The following TEX11 variants were observed in gnomAD, a reference collection of about 807,000 sequenced individuals.
TEX11 encodes the protein testis expressed 11.
TEX11 carries 7 observed loss-of-function variants against 84.4 expected under a neutral mutation model. The ratio of observed to expected loss-of-function variants is 0.08; its 90% CI spans 0.05 to 0.16. The LOEUF (loss-of-function observed/expected upper bound fraction) is 0.16. Ranked by LOEUF, TEX11 falls within the 10% of genes least tolerant of loss-of-function variation. The probability of loss-of-function intolerance (pLI) is 1.00; values close to 1 mark genes in which losing one functional copy is unlikely to be tolerated. For missense variants in TEX11, 551 were observed against 660.5 expected (o/e 0.83, Z 1.82); for synonymous variants, 264 against 222.8 (o/e 1.18, Z -1.64).
At chrX:70,591,698 C>G (rs1428089112) in intron 25 of TEX11, 53 bp downstream of exon 25, 2 of 976,654 alleles carry the variant, frequency 2.0e-6, no homozygotes, top group Non-Finnish European at 2.9e-6. Context: ...CTTGTTTATT[C>G]GATTCTAAGC....
At chrX:70,900,392 A>AGAAGAAG (rs1306462034) in intron 2 of TEX11, among the ~76,000 whole-genome samples, 3 of 27,004 alleles carry the variant, frequency 1.1e-4, no homozygotes, top group East Asian at 1.2e-3. Flanking sequence ...AAAAAAAAAA[A>AGAAGAAG]AAAAAGAAGA....
chrX:70,614,798 G>A (rs1330107592), intron 20 of TEX11, among the ~76,000 whole-genome samples: 2 of 111,313 alleles, frequency 1.8e-5, no homozygotes, highest in Non-Finnish European at 3.8e-5. Context: ...CCCAATGCCA[G>A]ACAGTTCAGG....
chrX:70,900,395 A>AAAAAAG (rs1556245995), intron 2 of TEX11, among the ~76,000 whole-genome samples: 7 of 60,077 alleles, frequency 1.2e-4, no homozygotes, highest in East Asian at 5.6e-4. Flanking sequence ...AAAAAAAAAA[A>AAAAAAG]AAGAAGAAGA....
chrX:70,633,595 T>C (rs2089535753), intron 17 of TEX11, among the ~76,000 whole-genome samples: 2 of 112,298 alleles, frequency 1.8e-5, no homozygotes, highest in South Asian at 7.5e-4. Flanking sequence ...AAATTATCTT[T>C]ACCCACAGGC....
chrX:70,552,066 A>G, intron 28 of TEX11, 60 bp downstream of exon 28: 1 of 1,135,780 alleles, frequency 8.8e-7, no homozygotes, highest in Non-Finnish European at 1.2e-6. Context: ...AATTTATAGT[A>G]CACAAGACAG....
the TEX11 span, among the ~76,000 whole-genome samples, chrX:70,511,520 C>T: frequency 0.034 from 3,648 of 106,010 alleles, 122 homozygotes; most frequent in African/African-American, 0.053. Flanking sequence ...TTTGGGAGGC[C>T]AAGGCGGGTG....
At chrX:70,579,767 A>G (rs1462784578) in intron 25 of TEX11, among the ~76,000 whole-genome samples, 5 of 112,381 alleles carry the variant, frequency 4.4e-5, no homozygotes, top group Non-Finnish European at 5.6e-5. Flanking sequence ...ATTGATCATC[A>G]GAGAAATGCA....
intron 9 of TEX11, among the ~76,000 whole-genome samples, chrX:70,804,646 T>G (rs1015878565): frequency 8.9e-6 from 1 of 112,001 alleles, no homozygotes; most frequent in African/African-American, 3.2e-5. Context: ...TTTATTTAGA[T>G]TTTTATGAAA....
chrX:70,532,874 T>C (rs1466447856), intron 28 of TEX11, among the ~76,000 whole-genome samples: 1 of 109,714 alleles, frequency 9.1e-6, no homozygotes. Flanking sequence ...CTGTCTCTAC[T>C]AAAAATACAA....
chrX:70,836,892 C>T (rs1477823904), intron 7 of TEX11, among the ~76,000 whole-genome samples: 1 of 111,222 alleles, frequency 9.0e-6, no homozygotes, highest in African/African-American at 3.3e-5. Flanking sequence ...TGGCACGCAC[C>T]TGTAGTCTCA....
chrX:70,877,584 C>T (rs960436871), intron 3 of TEX11, among the ~76,000 whole-genome samples: 5 of 111,753 alleles, frequency 4.5e-5, no homozygotes, highest in African/African-American at 1.6e-4. Flanking sequence ...CATACCAATG[C>T]TCATAGCAAC....
At chrX:70,805,463 C>T (rs2091213586) in intron 9 of TEX11, among the ~76,000 whole-genome samples, 1 of 105,721 alleles carries the variant, frequency 9.5e-6, no homozygotes. Flanking sequence ...TGCAGCGGTG[C>T]GATATCGGCT....
At chrX:70,692,280 T>C (rs757473148) in intron 13 of TEX11, among the ~76,000 whole-genome samples, 2 of 111,627 alleles carry the variant, frequency 1.8e-5, no homozygotes, top group Non-Finnish European at 3.8e-5. Context: ...TTTTTTGGTG[T>C]AAGAATTCTT....
intron 2 of TEX11, among the ~76,000 whole-genome samples, chrX:70,882,752 G>C (rs1372249465): frequency 9.1e-6 from 1 of 109,532 alleles, no homozygotes; most frequent in African/African-American, 3.3e-5. Context: ...CGGCACTCCA[G>C]CTGGGTGACA....
At position 70,684,412 on chromosome X, in the gene TEX11, C is replaced by T. The variant is rs754562218; in HGVS notation, c.1005-1587G>A. 1.3e-4 allele frequency among the ~76,000 whole-genome samples: 15 copies of T among 111,497 alleles called. No individual in the cohort carries two copies. The East Asian group carries it at 4.2e-3, about 31-fold the overall frequency. Reference sequence around the variant, plus strand: ...ACCAGACTGGCCAACATGGTGAAACCCTGTCTCTGCTAAAAATGCAAAAAT... The same window carrying T: ...ACCAGACTGGCCAACATGGTGAAACTCTGTCTCTGCTAAAAATGCAAAAAT... On this transcript the variant is annotated intron_variant, in intron 13 of 29. Coordinates refer to ENST00000374333, the MANE Select transcript of TEX11 (RefSeq NM_031276.3).
At chrX:70,767,082 C>T (rs1338850335) in intron 9 of TEX11, among the ~76,000 whole-genome samples, 1 of 111,816 alleles carries the variant, frequency 8.9e-6, no homozygotes, top group Non-Finnish European at 1.9e-5. Flanking sequence ...TAATACCCCA[C>T]AAGCACTGAC....
At chrX:70,661,619 A>C (rs1302031402) in intron 16 of TEX11, among the ~76,000 whole-genome samples, 2 of 110,875 alleles carry the variant, frequency 1.8e-5, no homozygotes, top group Admixed American at 9.5e-5. Flanking sequence ...ACTGGGAGGC[A>C]CCCCCCAGTA....
At chrX:70,634,656 C>T (rs1055482092) in intron 17 of TEX11, among the ~76,000 whole-genome samples, 4 of 105,571 alleles carry the variant, frequency 3.8e-5, no homozygotes, top group East Asian at 5.9e-4. Context: ...GGCAATTCAA[C>T]AGAGAAAGAA....
chrX:70,661,766 G>T (rs189388174), intron 16 of TEX11, among the ~76,000 whole-genome samples: 195 of 111,782 alleles, frequency 1.7e-3, no homozygotes, highest in African/African-American at 4.6e-3. Flanking sequence ...AGGGTCTGGA[G>T]TGGACCTCCA....
Sources: allele counts gnomAD v4.1 joint callset (sites outside exome capture counted in the v4.1 genomes callset), GRCh38; gene constraint gnomAD v4.1.1; transcripts MANE v1.5; gene names NCBI Gene and HGNC (gene_info 2026-07-23, HGNC 2026-07-21).